DOCK8: variants seen among roughly 807,000 people sequenced by gnomAD.
DOCK8 encodes dedicator of cytokinesis protein 8.
DOCK8 carries 141 observed loss-of-function variants against 245.6 expected under a neutral mutation model. The ratio of observed to expected loss-of-function variants is 0.57; its 90% confidence interval spans 0.50 to 0.66. The LOEUF is 0.66. Among genes scored for constraint, DOCK8 ranks in the 30% least tolerant of loss-of-function variants. DOCK8 has a pLI of 0.00. For synonymous variants in DOCK8, 1,168 were observed against 970.2 expected (o/e 1.20, Z -3.79); for missense variants, 2,965 against 2,603.4 (o/e 1.14, Z -3.02).
chr9:216,593 A>G (rs2046760467), intron 1 of DOCK8, among the ~76,000 whole-genome samples: 2 of 151,050 alleles, frequency 1.3e-5, no homozygotes, highest in South Asian at 4.2e-4. Flanking sequence ...GGATCTCCCT[A>G]TGGGAATTTT....
chr9:423,362 T>A (rs1392078230), intron 33 of DOCK8, among the ~76,000 whole-genome samples: 1 of 152,170 alleles, frequency 6.6e-6, no homozygotes, highest in Non-Finnish European at 1.5e-5. Context: ...TAGCCACAGG[T>A]AGCCTAATGA....
At chr9:374,202 G>A (rs756851531) in intron 18 of DOCK8, among the ~76,000 whole-genome samples, 19 of 151,976 alleles carry the variant, frequency 1.3e-4, no homozygotes, top group Non-Finnish European at 2.6e-4. Flanking sequence ...TATACCCTTA[G>A]CCTCTCTTAG....
intron 2 of DOCK8, chr9:272,891 C>T (rs914069677): frequency 2.7e-5 from 6 of 222,388 alleles, no homozygotes; most frequent in African/African-American, 1.4e-4. Context: ...GAGCTCCAGC[C>T]CTCCTGTACT....
rs967421489 is a variant in DOCK8, at chr9:336,466, T to C, written c.1286-116T>C. Reference sequence around the variant, plus strand: ...AGGACATTTTCATTCAAAACAAGGATGGCCATATTCAGTGTTCCTGATCAG... The same window carrying C: ...AGGACATTTTCATTCAAAACAAGGACGGCCATATTCAGTGTTCCTGATCAG... On this transcript the variant is annotated intron_variant, in intron 11 of 47. Coordinates refer to ENST00000432829, the MANE Select transcript of DOCK8 (RefSeq NM_203447.4). The C allele has an allele frequency of 3.1e-5, 43 of 1,368,674 alleles. No homozygotes were observed. The African/African-American group carries it at 5.7e-4, about 18-fold the overall frequency. 84.8% of individuals were successfully genotyped at this position (1,368,674 alleles called of 1,614,324 possible).
In DOCK8 at chr9:311,663, C is replaced by A. The variant is rs555667510; in HGVS notation, c.529-291C>A. On this transcript the variant is annotated intron_variant, in intron 5 of 47. Transcript: ENST00000432829. ...CCAGCCCCAGGAAAGAACAAGCCAACAACCGATAGGAATGTAGTACTGTTT... is the reference window on the plus strand; with the variant it reads ...CCAGCCCCAGGAAAGAACAAGCCAAAAACCGATAGGAATGTAGTACTGTTT... Among the ~76,000 whole-genome samples, 4 of 152,298 alleles carry A rather than the reference C, an allele frequency of 2.6e-5. No individual in the cohort carries two copies. The East Asian group carries it at 7.7e-4, about 29-fold the overall frequency.
intron 2 of DOCK8, among the ~76,000 whole-genome samples, chr9:277,408 G>C (rs569986815): frequency 6.6e-5 from 10 of 150,462 alleles, no homozygotes; most frequent in African/African-American, 2.5e-4. Flanking sequence ...CTGGGCAACA[G>C]AGTGAGACCC....
At chr9:225,675 G>C (rs989531051) in intron 1 of DOCK8, among the ~76,000 whole-genome samples, 4 of 152,160 alleles carry the variant, frequency 2.6e-5, no homozygotes, top group Non-Finnish European at 5.9e-5. Context: ...TCTAAAAAAA[G>C]TAATATACCA....
intron 24 of DOCK8, among the ~76,000 whole-genome samples, chr9:395,579 T>G (rs1449314357): frequency 2.0e-5 from 3 of 151,286 alleles, no homozygotes; most frequent in African/African-American, 7.3e-5. Context: ...GCAGTGGCTG[T>G]CTGACTAATC....
At chr9:389,383 T>C (rs892858901) in intron 23 of DOCK8, among the ~76,000 whole-genome samples, 2 of 152,180 alleles carry the variant, frequency 1.3e-5, no homozygotes, top group South Asian at 2.1e-4. Flanking sequence ...TGGGGGACTT[T>C]CCAAGCATCT....
At chr9:229,190 C>G (rs763096970) in intron 1 of DOCK8, among the ~76,000 whole-genome samples, 1 of 152,156 alleles carries the variant, frequency 6.6e-6, no homozygotes, top group African/African-American at 2.4e-5. Flanking sequence ...TTTTAACCAA[C>G]CACAGCACCC....
Position 217,892 on chromosome 9 carries a change from G to A in DOCK8, c.53+2863G>A, listed in dbSNP as rs183647913. Among the ~76,000 whole-genome samples, 7 of 152,268 alleles carry A rather than the reference G, an allele frequency of 4.6e-5. No homozygotes were observed. The East Asian group carries it at 1.2e-3, about 25-fold the overall frequency. On this transcript the variant is annotated intron_variant, in intron 1 of 47. Coordinates refer to ENST00000432829, the MANE Select transcript of DOCK8 (RefSeq NM_203447.4). Reference sequence around the variant, plus strand: ...AACCAGCAATGGCAGAGCTGGGATTGCAAACTGCTCCAAAGACTGTGCTCT... The same window carrying A: ...AACCAGCAATGGCAGAGCTGGGATTACAAACTGCTCCAAAGACTGTGCTCT...
intron 4 of DOCK8, among the ~76,000 whole-genome samples, chr9:293,417 G>A (rs2049128476): frequency 6.6e-6 from 1 of 152,202 alleles, no homozygotes; most frequent in South Asian, 2.1e-4. Context: ...TCTGTGAGTT[G>A]TATCTGTATT....
intron 1 of DOCK8, among the ~76,000 whole-genome samples, chr9:240,257 T>A (rs910805005): frequency 2.0e-5 from 3 of 152,184 alleles, no homozygotes; most frequent in Admixed American, 6.5e-5. Flanking sequence ...TTATACAGGT[T>A]ATCAGAAACA....
At chr9:386,668 T>G (rs1034645422) in intron 23 of DOCK8, among the ~76,000 whole-genome samples, 2 of 152,232 alleles carry the variant, frequency 1.3e-5, no homozygotes, top group Non-Finnish European at 2.9e-5. Context: ...GGAAGCCTTG[T>G]TAAAACTCAT....
At chr9:230,407 A>C in intron 1 of DOCK8, among the ~76,000 whole-genome samples, 1 of 152,076 alleles carries the variant, frequency 6.6e-6, no homozygotes. Flanking sequence ...GTCCTTTGGG[A>C]ATATACCCAG....
intron 41 of DOCK8, 82 bp downstream of exon 41, chr9:441,499 T>TACAG (rs2057094520): frequency 1.3e-6 from 2 of 1,596,038 alleles, no homozygotes; most frequent in African/African-American, 2.7e-5. Context: ...ATCCTTCCTC[T>TACAG]CCAGGGAGTG....
At chr9:263,315 C>T (rs2047963429) in intron 1 of DOCK8, among the ~76,000 whole-genome samples, 1 of 151,746 alleles carries the variant, frequency 6.6e-6, no homozygotes, top group African/African-American at 2.4e-5. Context: ...GTCATTACAA[C>T]AATACATGTT....
chr9:370,156 G>A (rs1445660067), intron 15 of DOCK8, 74 bp from the exon 16 acceptor site: 2 of 1,281,954 alleles, frequency 1.6e-6, no homozygotes, highest in East Asian at 2.3e-5. Context: ...AGAACATCCT[G>A]TTGGCCTGAT....
intron 33 of DOCK8, among the ~76,000 whole-genome samples, chr9:424,013 G>T (rs988535218): frequency 6.6e-6 from 1 of 151,406 alleles, no homozygotes; most frequent in African/African-American, 2.4e-5. Flanking sequence ...GTGGGCTGCT[G>T]GTTGTCAGAG....
Sources: gnomAD v4.1 joint callset for allele counts (sites outside exome capture counted in the v4.1 genomes callset) on GRCh38, gnomAD v4.1.1 for gene constraint, MANE v1.5 for transcripts, NCBI Gene and HGNC (gene_info 2026-07-23, HGNC 2026-07-21) for gene names.